CSMD3: variants seen among roughly 807,000 people sequenced by gnomAD.
The protein encoded by CSMD3 is CUB and Sushi multiple domains 3.
CSMD3 carries 177 observed loss-of-function variants against 435.2 expected under a neutral mutation model. The observed-to-expected ratio is 0.41, with a 90% CI of 0.36 to 0.46. CSMD3 has a LOEUF of 0.46. Ranked by LOEUF, CSMD3 falls within the 20% of genes least tolerant of loss-of-function variation. The pLI is 0.34. For missense variants in CSMD3, 4,265 were observed against 4,504.6 expected, an observed-to-expected ratio of 0.95 and a Z score of 1.52; for synonymous variants, 1,656 against 1,520.5, an observed-to-expected ratio of 1.09 and a Z score of -2.07.
rs145662412 is a variant in CSMD3 at position 113,233,226 on chromosome 8, C to T, written c.514+45366G>A. Among the ~76,000 whole-genome samples the T allele has an allele frequency of 1.9e-4, 29 of 151,296 alleles. No homozygotes were observed. The East Asian group carries it at 4.7e-3, about 24-fold the overall frequency. ...TTGAACTTATATGCAATTAATAATT[C>T]CTATTCAATTGATAACTGTTCATAT... On this transcript the variant is annotated intron_variant, in intron 3 of 70. Transcript: ENST00000297405.
intron 1 of CSMD3, among the ~76,000 whole-genome samples, chr8:113,356,134 T>C (rs1428497216): frequency 1.3e-5 from 2 of 152,038 alleles, no homozygotes; most frequent in Non-Finnish European, 2.9e-5. Context: ...TTCATGCATA[T>C]ACCACTTAAA....
At chr8:112,312,766 T>A (rs189070309) in intron 49 of CSMD3, among the ~76,000 whole-genome samples, 2 of 152,338 alleles carry the variant, frequency 1.3e-5, no homozygotes, top group African/African-American at 4.8e-5. Flanking sequence ...AGAATTATTC[T>A]ATTCATACAT....
intron 3 of CSMD3, among the ~76,000 whole-genome samples, chr8:113,257,569 T>C (rs1343785456): frequency 6.6e-6 from 1 of 152,188 alleles, no homozygotes; most frequent in Admixed American, 6.5e-5. Context: ...TGGTGTTCAT[T>C]AGTATCCTTT....
intron 3 of CSMD3, among the ~76,000 whole-genome samples, chr8:113,237,708 T>C (rs148365544): frequency 6.6e-6 from 1 of 152,322 alleles, no homozygotes; most frequent in East Asian, 1.9e-4. Context: ...GTTTGTAGTT[T>C]TCTAAGTGTC....
In CSMD3 at chr8:112,337,592, G is replaced by T. The variant is rs1824703159; in HGVS notation, c.6792C>A (p.Cys2264Ter). ...YTLIGNSALT[C>*]LHGVSRNWNH... ...TCCAATTACGACTGACTCCGTGAAG[G>T]CATGTGAGAGCTGAATTTCCAATTA... is the stretch of plus-strand genomic sequence containing the variant. The change falls in exon 43 of 71, where the codon TGC (cysteine) becomes TGA (stop). Residue 2264 changes from cysteine (C) to a stop codon, truncating the protein, a stop_gained. Coordinates refer to ENST00000297405, the MANE Select transcript of CSMD3 (RefSeq NM_198123.2). LOFTEE classifies it high-confidence loss of function. 1 of 1,613,580 alleles carries T rather than the reference G, an allele frequency of 6.2e-7. No individual in the cohort carries two copies. The highest frequency in any genetic ancestry group is 8.5e-7 in the Non-Finnish European group (1 of 1,179,674).
At chr8:112,452,666 T>G (rs1304768387) in intron 32 of CSMD3, among the ~76,000 whole-genome samples, 2 of 152,142 alleles carry the variant, frequency 1.3e-5, no homozygotes, top group Non-Finnish European at 2.9e-5. Flanking sequence ...GTTTTCAGAG[T>G]TTTCACATAG....
chr8:113,330,607 A>G (rs1262217016), intron 1 of CSMD3, among the ~76,000 whole-genome samples: 1 of 151,948 alleles, frequency 6.6e-6, no homozygotes, highest in Admixed American at 6.5e-5. Flanking sequence ...GGCAAAATAT[A>G]TAATATGGAA....
intron 13 of CSMD3, among the ~76,000 whole-genome samples, chr8:112,747,111 A>G (rs1471814261): frequency 7.1e-6 from 1 of 140,536 alleles, no homozygotes; most frequent in Non-Finnish European, 1.5e-5. Flanking sequence ...CCTCTAGTTC[A>G]TTATTCCCAT....
intron 1 of CSMD3, among the ~76,000 whole-genome samples, chr8:113,327,498 T>C (rs1026820681): frequency 6.6e-6 from 1 of 152,042 alleles, no homozygotes; most frequent in Non-Finnish European, 1.5e-5. Context: ...GCACTGTAAC[T>C]CAACTGCTCC....
chr8:112,897,680 CTCTCTCTCTCTCTCTGTG>C (rs1052978694), intron 10 of CSMD3, among the ~76,000 whole-genome samples: 9 of 88,620 alleles, frequency 1.0e-4, no homozygotes, highest in African/African-American at 2.7e-4. Flanking sequence ...CTCTCTCTCT[CTCTCTCTCTCTCTCTGTG>C]TGTGTGTGTG....
intron 59 of CSMD3, among the ~76,000 whole-genome samples, chr8:112,278,752 C>T (rs1008345116): frequency 2.0e-5 from 3 of 152,108 alleles, no homozygotes; most frequent in Non-Finnish European, 1.5e-5. Context: ...GTTGTTGTTG[C>T]TACTGTCTAT....
chr8:113,026,893 CT>C (rs2086896393), intron 5 of CSMD3, among the ~76,000 whole-genome samples: 2 of 152,154 alleles, frequency 1.3e-5, no homozygotes, highest in African/African-American at 4.8e-5. Flanking sequence ...TGTCTTACTG[CT>C]TTCACCTTGT....
intron 4 of CSMD3, among the ~76,000 whole-genome samples, chr8:113,120,560 T>C (rs1485283816): frequency 6.6e-6 from 1 of 152,188 alleles, no homozygotes; most frequent in Non-Finnish European, 1.5e-5. Context: ...ATTTAGTAGA[T>C]AATTTCAGCA....
At chr8:113,222,850 T>C (rs2092985269) in intron 3 of CSMD3, among the ~76,000 whole-genome samples, 1 of 151,066 alleles carries the variant, frequency 6.6e-6, no homozygotes, top group African/African-American at 2.4e-5. Flanking sequence ...GAATTTTTGT[T>C]CGATGTTAAT....
At chr8:112,811,614 G>GTGTGTAA (rs1420586894) in intron 12 of CSMD3, among the ~76,000 whole-genome samples, 2 of 152,136 alleles carry the variant, frequency 1.3e-5, no homozygotes, top group African/African-American at 4.8e-5. Flanking sequence ...CAATTAACAT[G>GTGTGTAA]TGTGTAATGG....
chr8:112,418,248 G>A (rs970200640), intron 32 of CSMD3, among the ~76,000 whole-genome samples: 17 of 151,982 alleles, frequency 1.1e-4, no homozygotes, highest in African/African-American at 3.6e-4. Context: ...TTTCTGACTC[G>A]TATTTTCTTT....
chr8:113,145,787 T>C (rs1467391095), intron 4 of CSMD3, among the ~76,000 whole-genome samples: 1 of 151,634 alleles, frequency 6.6e-6, no homozygotes, highest in Non-Finnish European at 1.5e-5. Context: ...AAGATGTCTT[T>C]ATGGATAAAT....
chr8:112,636,814 T>C lies in CSMD3; in HGVS notation c.3715+3A>G. 1 of 1,612,414 alleles carries C rather than the reference T, an allele frequency of 6.2e-7. No individual in the cohort carries two copies. Among genetic ancestry groups the C allele is most frequent in the Non-Finnish European group, 8.5e-7 (1 of 1,178,872 alleles). ...AAGCAAATGAAAGCAGCTGACCACGTACCCACACACCTTGGCAGAGGTGCA... is the reference window on the plus strand; with the variant it reads ...AAGCAAATGAAAGCAGCTGACCACGCACCCACACACCTTGGCAGAGGTGCA... On this transcript the variant is annotated splice_donor_region_variant and intron_variant, in intron 22 of 70. Coordinates refer to ENST00000297405, the MANE Select transcript of CSMD3 (RefSeq NM_198123.2).
chr8:113,091,180 G>A (rs1455315125), intron 5 of CSMD3, among the ~76,000 whole-genome samples: 1 of 152,116 alleles, frequency 6.6e-6, no homozygotes, highest in Non-Finnish European at 1.5e-5. Flanking sequence ...GGTGAAAGGA[G>A]TAAGCAAGAG....
Sources: gnomAD v4.1 joint callset for allele counts (sites outside exome capture counted in the v4.1 genomes callset) on GRCh38, gnomAD v4.1.1 for gene constraint, MANE v1.5 for transcripts, NCBI Gene and HGNC (gene_info 2026-07-23, HGNC 2026-07-21) for gene names.